The following SOX5 variants were observed in gnomAD, a reference collection of about 807,000 sequenced individuals.
SOX5 encodes transcription factor SOX-5.
SOX5 carries 9 observed loss-of-function variants against 92.0 expected under a neutral mutation model. That is an observed-to-expected ratio of 0.10 (90% CI 0.06 to 0.17). The LOEUF is 0.17. Among genes scored for constraint, SOX5 ranks in the 10% least tolerant of loss-of-function variants. The pLI is 1.00. For missense variants in SOX5, 642 were observed against 944.5 expected (o/e 0.68, Z 4.20); for synonymous variants, 344 against 336.3 (o/e 1.02, Z -0.25).
At chr12:23,998,920 C>A (rs1951313102) in intron 4 of SOX5, among the ~76,000 whole-genome samples, 1 of 150,262 alleles carries the variant, frequency 6.7e-6, no homozygotes, top group South Asian at 2.1e-4. Context: ...GCTCAACAAA[C>A]CACAAGTATG....
chr12:23,596,277 A>T (rs1228912141), intron 9 of SOX5, among the ~76,000 whole-genome samples: 3 of 152,206 alleles, frequency 2.0e-5, no homozygotes, highest in African/African-American at 4.8e-5. Flanking sequence ...TACTATTAGT[A>T]TTCTTTATTT....
At chr12:24,521,893 C>A (rs951420687) in intron 1 of SOX5, among the ~76,000 whole-genome samples, 9 of 151,516 alleles carry the variant, frequency 5.9e-5, no homozygotes, top group African/African-American at 2.2e-4. Context: ...ATTGATACCT[C>A]CAAGAAATGT....
chr12:23,862,920 T>C (rs2096771565), intron 2 of SOX5, among the ~76,000 whole-genome samples: 1 of 152,210 alleles, frequency 6.6e-6, no homozygotes, highest in Non-Finnish European at 1.5e-5. Flanking sequence ...CCGATTTTCC[T>C]AGAAGTGAAT....
At chr12:23,656,386 T>A (rs1333066895) in intron 7 of SOX5, among the ~76,000 whole-genome samples, 1 of 152,012 alleles carries the variant, frequency 6.6e-6, no homozygotes, top group African/African-American at 2.4e-5. Context: ...AAGTAAAATA[T>A]CACATACTAG....
intron 3 of SOX5, among the ~76,000 whole-genome samples, chr12:23,837,886 A>ATATATAAGATATATTTATATT (rs2096448944): frequency 9.2e-6 from 1 of 108,358 alleles, no homozygotes; most frequent in Non-Finnish European, 1.7e-5. Context: ...TATTTATATA[A>ATATATAAGATATATTTATATT]TATATAAGAT....
At chr12:24,173,856 G>A (rs1047674009) in intron 4 of SOX5, among the ~76,000 whole-genome samples, 4 of 152,124 alleles carry the variant, frequency 2.6e-5, no homozygotes, top group African/African-American at 4.8e-5. Context: ...GTTACTACCA[G>A]CCGTGGAAAA....
intron 3 of SOX5, among the ~76,000 whole-genome samples, chr12:23,841,656 A>G (rs2096517637): frequency 6.6e-6 from 1 of 152,172 alleles, no homozygotes; most frequent in Admixed American, 6.5e-5. Flanking sequence ...CAGCCATGGA[A>G]GAACCTTAAA....
intron 11 of SOX5, among the ~76,000 whole-genome samples, chr12:23,547,335 C>T (rs1943331707): frequency 6.6e-6 from 1 of 152,108 alleles, no homozygotes; most frequent in African/African-American, 2.4e-5. Context: ...TTAAGAAATG[C>T]ATCCATTGGA....
chr12:23,663,449 C>T (rs528569770), intron 7 of SOX5, among the ~76,000 whole-genome samples: 115 of 152,090 alleles, frequency 7.6e-4, no homozygotes, highest in Non-Finnish European at 1.1e-3. Context: ...TGACCTTTTC[C>T]AGGCCTACGG....
intron 6 of SOX5, among the ~76,000 whole-genome samples, chr12:23,678,351 CACTGTA>C (rs1425008061): frequency 6.6e-6 from 1 of 152,084 alleles, no homozygotes; most frequent in Non-Finnish European, 1.5e-5. Flanking sequence ...CAGCACAAAG[CACTGTA>C]ACCTGCCTAC....
At chr12:24,075,971 T>C (rs1298086793) in intron 4 of SOX5, among the ~76,000 whole-genome samples, 1 of 152,106 alleles carries the variant, frequency 6.6e-6, no homozygotes, top group African/African-American at 2.4e-5. Context: ...AACACTTAGA[T>C]ATGGAGTAAA....
At chr12:23,676,620 G>A (rs777404082) in intron 6 of SOX5, among the ~76,000 whole-genome samples, 2 of 152,182 alleles carry the variant, frequency 1.3e-5, no homozygotes, top group Non-Finnish European at 2.9e-5. Flanking sequence ...GGCAGAGACT[G>A]CAAGTTTCAA....
intron 4 of SOX5, among the ~76,000 whole-genome samples, chr12:24,178,181 C>T (rs1322605977): frequency 1.3e-5 from 2 of 151,606 alleles, no homozygotes; most frequent in African/African-American, 4.9e-5. Flanking sequence ...ATCTTGAGAT[C>T]CCATCGGCCA....
intron 3 of SOX5, among the ~76,000 whole-genome samples, chr12:24,264,885 A>G (rs558826259): frequency 1.3e-5 from 2 of 152,352 alleles, no homozygotes; most frequent in East Asian, 3.9e-4. Context: ...TTTTCAAAGT[A>G]TTCCAAAAAT....
intron 4 of SOX5, among the ~76,000 whole-genome samples, chr12:24,049,716 C>T (rs1363555321): frequency 7.9e-6 from 1 of 126,504 alleles, no homozygotes; most frequent in African/African-American, 3.1e-5. Flanking sequence ...CACAGAATAG[C>T]AGATTTATGA....
chr12:24,363,430 C>T lies in SOX5; in HGVS notation c.-174+5133G>A, dbSNP rs191146124. Among the ~76,000 whole-genome samples the T allele has an allele frequency of 2.0e-5, 3 of 152,178 alleles. No individual in the cohort carries two copies. The East Asian group carries it at 5.8e-4, about 29-fold the overall frequency. On this transcript the variant is annotated intron_variant, in intron 2 of 4. Coordinates refer to the SOX5 transcript ENST00000446891. ...CTGTATACATCTCAGTTAGGCTTACCTAAGTCACCATTTACAATATTGAGT... is the reference window on the plus strand; with the variant it reads ...CTGTATACATCTCAGTTAGGCTTACTTAAGTCACCATTTACAATATTGAGT...
chr12:23,757,608 T>G (rs889497761), intron 3 of SOX5, among the ~76,000 whole-genome samples: 1 of 151,928 alleles, frequency 6.6e-6, no homozygotes, highest in African/African-American at 2.4e-5. Context: ...TTGAGTAGCA[T>G]GTAAACAGGG....
intron 4 of SOX5, among the ~76,000 whole-genome samples, chr12:24,038,054 T>G (rs1353793): frequency 0.51 from 77,748 of 151,944 alleles, 20,233 homozygotes; most frequent in East Asian, 0.72. Flanking sequence ...GGGAAAAGAG[T>G]AGAAACCAAG....
intron 3 of SOX5, among the ~76,000 whole-genome samples, chr12:24,243,959 C>G (rs1278100387): frequency 6.6e-6 from 1 of 150,934 alleles, no homozygotes; most frequent in Non-Finnish European, 1.5e-5. Context: ...ATTCTGAATT[C>G]AAGCTATCTA....
Sources: allele counts gnomAD v4.1 joint callset (sites outside exome capture counted in the v4.1 genomes callset), GRCh38; gene constraint gnomAD v4.1.1; transcripts MANE v1.5; gene names NCBI Gene and HGNC (gene_info 2026-07-23, HGNC 2026-07-21).